TEAD4: variants seen among roughly 807,000 people sequenced by gnomAD.
TEAD4 encodes transcriptional enhancer factor TEF-3.
A neutral mutation model predicts 52.4 loss-of-function variants in TEAD4; 36 were observed. That is an observed-to-expected ratio of 0.69 (90% CI 0.53 to 0.91). The LOEUF (loss-of-function observed/expected upper bound fraction) is 0.91. TEAD4 is among the 40% of genes least tolerant of loss of function. The probability of loss-of-function intolerance (pLI) is 0.00; values close to 1 mark genes in which losing one functional copy is unlikely to be tolerated. For synonymous variants in TEAD4, 220 were observed against 231.0 expected (o/e 0.95, Z 0.43); for missense variants, 508 against 583.9 (o/e 0.87, Z 1.34).
chr12:3,030,526 G>A (rs1044565992), intron 10 of TEAD4, among the ~76,000 whole-genome samples: 10 of 152,152 alleles, frequency 6.6e-5, no homozygotes, highest in African/African-American at 1.7e-4. Context: ...TCTCTACCCC[G>A]TGGAATCCAG....
intron 2 of TEAD4, among the ~76,000 whole-genome samples, chr12:2,978,989 C>T (rs1377721188): frequency 6.6e-6 from 1 of 152,140 alleles, no homozygotes; most frequent in East Asian, 1.9e-4. Flanking sequence ...GATCTCAGCT[C>T]ACTGCAACCT....
intron 2 of TEAD4, among the ~76,000 whole-genome samples, chr12:2,962,262 T>A (rs2098216005): frequency 7.0e-6 from 1 of 142,696 alleles, no homozygotes; most frequent in Non-Finnish European, 1.5e-5. Flanking sequence ...CCGGCTAGTT[T>A]CATATATATA....
At chr12:3,003,924 C>T (rs758072605) in intron 3 of TEAD4, among the ~76,000 whole-genome samples, 2 of 152,256 alleles carry the variant, frequency 1.3e-5, no homozygotes, top group Non-Finnish European at 2.9e-5. Flanking sequence ...ACCGCCACCA[C>T]CTCAGCTGGG....
intron 2 of TEAD4, among the ~76,000 whole-genome samples, chr12:2,986,364 G>A (rs547980457): frequency 1.4e-3 from 209 of 152,090 alleles, no homozygotes; most frequent in African/African-American, 4.5e-3. Context: ...AAGGCTGGGT[G>A]CGGTGGCTCA....
At chr12:2,992,202 A>T (rs2098243714) in intron 2 of TEAD4, among the ~76,000 whole-genome samples, 1 of 151,566 alleles carries the variant, frequency 6.6e-6, no homozygotes, top group African/African-American at 2.4e-5. Flanking sequence ...TATTTTTAGT[A>T]GAGGCGGGGT....
chr12:2,998,851 G>C (rs1450428493), intron 3 of TEAD4, among the ~76,000 whole-genome samples: 2 of 152,164 alleles, frequency 1.3e-5, no homozygotes, highest in East Asian at 3.9e-4. Flanking sequence ...GCTCCAGGTG[G>C]GTCAGGCCCT....
At chr12:3,015,047 C>T (rs140415003) in intron 5 of TEAD4, among the ~76,000 whole-genome samples, 182 of 152,278 alleles carry the variant, frequency 1.2e-3, no homozygotes, top group African/African-American at 4.3e-3. Context: ...TAGTTAGCTC[C>T]CTCTTTGGTT....
At chr12:3,020,198 A>G (rs943619802) in intron 8 of TEAD4, among the ~76,000 whole-genome samples, 2 of 152,162 alleles carry the variant, frequency 1.3e-5, no homozygotes, top group Admixed American at 6.5e-5. Context: ...GGGGAGACAC[A>G]TGTGATGCAA....
At chr12:2,997,090 T>C (rs2098247846) in intron 3 of TEAD4, among the ~76,000 whole-genome samples, 1 of 152,154 alleles carries the variant, frequency 6.6e-6, no homozygotes, top group African/African-American at 2.4e-5. Flanking sequence ...TCCATGAAGC[T>C]CTCAGGGACC....
intron 3 of TEAD4, among the ~76,000 whole-genome samples, chr12:2,997,995 C>T (rs1246359633): frequency 2.6e-5 from 4 of 152,116 alleles, no homozygotes; most frequent in African/African-American, 7.2e-5. Context: ...TCCCCATTCT[C>T]GCCATCCTCC....
intron 2 of TEAD4, among the ~76,000 whole-genome samples, chr12:2,989,945 G>GT (rs1377357898): frequency 6.6e-6 from 1 of 152,178 alleles, no homozygotes; most frequent in Non-Finnish European, 1.5e-5. Context: ...ATTGCCTGCT[G>GT]TTTTCTCTTC....
At chr12:2,980,947 C>T (rs866506300) in intron 2 of TEAD4, among the ~76,000 whole-genome samples, 7 of 152,148 alleles carry the variant, frequency 4.6e-5, no homozygotes, top group Non-Finnish European at 8.8e-5. Context: ...TGAGCCTTGT[C>T]TCTTACTGGC....
chr12:2,985,501 C>CTTT lies in TEAD4; in HGVS notation c.-29-9217_-29-9215dup, dbSNP rs560522260. ...ATAAGCCTTCTTCTGTTTACAAAAT[C>CTTT]TTTTTTTTTTTTTTTTTTTTTTGAG... is the stretch of plus-strand genomic sequence containing the variant. On this transcript the variant is annotated intron_variant, in intron 2 of 12. Coordinates refer to ENST00000359864, the MANE Select transcript of TEAD4 (RefSeq NM_003213.4). Among the ~76,000 whole-genome samples, 663 of 83,034 alleles carry CTTT rather than the reference C, an allele frequency of 8.0e-3. 3 individuals are homozygous for CTTT. The highest frequency in any genetic ancestry group is 8.6e-3 in the Non-Finnish European group (401 of 46,524). 54.5% of individuals were successfully genotyped at this position (83,034 alleles called of 152,430 possible).
chr12:3,011,895 AC>A (rs1218660018), intron 4 of TEAD4, among the ~76,000 whole-genome samples: 4 of 152,196 alleles, frequency 2.6e-5, no homozygotes, highest in African/African-American at 9.6e-5. Flanking sequence ...CGAACTCCTG[AC>A]CTCAAGTGAT....
chr12:2,963,848 C>T (rs540263594), intron 2 of TEAD4, among the ~76,000 whole-genome samples: 1 of 152,304 alleles, frequency 6.6e-6, no homozygotes, highest in African/African-American at 2.4e-5. Flanking sequence ...ATGGGCCAGG[C>T]TCCCTGTAGC....
At chr12:2,981,521 C>T (rs2098234103) in intron 2 of TEAD4, among the ~76,000 whole-genome samples, 1 of 152,164 alleles carries the variant, frequency 6.6e-6, no homozygotes, top group Non-Finnish European at 1.5e-5. Flanking sequence ...GTGCCCTGTA[C>T]CTACCTCCAC....
At chr12:2,961,364 G>T (rs1408642531) in intron 2 of TEAD4, among the ~76,000 whole-genome samples, 2 of 152,006 alleles carry the variant, frequency 1.3e-5, no homozygotes, top group Non-Finnish European at 1.5e-5. Flanking sequence ...TGGATATCAT[G>T]TGTAGGGCTT....
At chr12:3,010,866 G>A in intron 3 of TEAD4, 138 bp from the exon 4 acceptor site, 1 of 872,810 alleles carries the variant, frequency 1.1e-6, no homozygotes, top group South Asian at 1.6e-5. Context: ...GGAACCCACA[G>A]AATCCTCACC....
chr12:2,962,034 C>G (rs2098215781), intron 2 of TEAD4, among the ~76,000 whole-genome samples: 1 of 151,910 alleles, frequency 6.6e-6, no homozygotes, highest in African/African-American at 2.4e-5. Flanking sequence ...TTGCCTTGGC[C>G]CCAGGGTGAG....
Sources: gnomAD v4.1 joint callset for allele counts (sites outside exome capture counted in the v4.1 genomes callset) on GRCh38, gnomAD v4.1.1 for gene constraint, MANE v1.5 for transcripts, NCBI Gene and HGNC (gene_info 2026-07-23, HGNC 2026-07-21) for gene names.